The following PI4KA variants were observed in gnomAD, a reference collection of about 807,000 sequenced individuals.
PI4KA encodes PI4-kinase alpha.
PI4KA carries 122 observed loss-of-function variants against 271.4 expected under a neutral mutation model. The ratio of observed to expected loss-of-function variants is 0.45; its 90% CI spans 0.39 to 0.52. The LOEUF (loss-of-function observed/expected upper bound fraction) is 0.52, where lower values mean the gene tolerates loss of function less well. Ranked by LOEUF, PI4KA falls within the 20% of genes least tolerant of loss-of-function variation. The pLI is 0.00. For synonymous variants in PI4KA, 1,041 were observed against 1,078.8 expected (o/e 0.96, Z 0.69); for missense variants, 1,969 against 2,769.1 (o/e 0.71, Z 6.48).
chr22:20,750,125 A>C, intron 27 of PI4KA, 131 bp from the exon 28 acceptor site: 1 of 647,402 alleles, frequency 1.5e-6, no homozygotes, highest in South Asian at 1.7e-5. Flanking sequence ...AGTACCTCAG[A>C]GTGGAACTCA....
chr22:20,780,731 G>A (rs1253072016), intron 19 of PI4KA, among the ~76,000 whole-genome samples: 1 of 137,102 alleles, frequency 7.3e-6, no homozygotes, highest in African/African-American at 2.8e-5. Flanking sequence ...AGCCGAGACT[G>A]TGCCACTGCA....
chr22:20,754,103 T>C (rs1419145030), intron 23 of PI4KA, among the ~76,000 whole-genome samples: 1 of 152,172 alleles, frequency 6.6e-6, no homozygotes, highest in Non-Finnish European at 1.5e-5. Context: ...TCTATTTTTT[T>C]TGAGACAGGG....
intron 41 of PI4KA, 144 bp downstream of exon 41, chr22:20,727,086 A>T: frequency 1.6e-6 from 1 of 643,214 alleles, no homozygotes; most frequent in Non-Finnish European, 2.6e-6. Context: ...TCCATCTTCT[A>T]CAACTACTTG....
chr22:20,774,622 G>A (rs149960029), intron 19 of PI4KA, among the ~76,000 whole-genome samples: 4,497 of 152,158 alleles, frequency 0.03, 88 homozygotes, highest in Middle Eastern at 0.061. Flanking sequence ...TTAGCTGGGC[G>A]TGGTGGCACG....
At chr22:20,769,699 A>C (rs963892958) in intron 19 of PI4KA, among the ~76,000 whole-genome samples, 13 of 151,312 alleles carry the variant, frequency 8.6e-5, no homozygotes, top group Admixed American at 8.6e-4. Flanking sequence ...GTCAGGGGGG[A>C]AGTGGGAAGA....
In PI4KA at chr22:20,858,760, C is replaced by A; in HGVS notation, c.-35G>T. On this transcript the variant is annotated 5_prime_UTR_variant, in exon 1 of 55. Coordinates refer to ENST00000255882, the MANE Select transcript of PI4KA (RefSeq NM_058004.4). ...AGCCGCGGCGCTGCCCGCCGGCTCC[C>A]CGCTCCTGGCCCGCGAGCGCCCGAC... 7.3e-7 allele frequency: 1 copy of A among 1,363,632 alleles called. No individual in the cohort carries two copies. 84.5% of individuals were successfully genotyped at this position (1,363,632 alleles called of 1,614,324 possible).
intron 3 of PI4KA, among the ~76,000 whole-genome samples, chr22:20,826,120 A>G (rs1475447777): frequency 6.6e-6 from 1 of 152,188 alleles, no homozygotes; most frequent in Admixed American, 6.6e-5. Flanking sequence ...AGGCAGGCAA[A>G]TAACTTGAGG....
At chr22:20,725,272 G>T (rs578071696) in intron 42 of PI4KA, 6 of 196,882 alleles carry the variant, frequency 3.0e-5, no homozygotes, top group Non-Finnish European at 5.5e-5. Flanking sequence ...ACAGGGTGCA[G>T]TGGGCAGGCT....
chr22:20,720,695 G>T (rs1234109394), intron 43 of PI4KA, among the ~76,000 whole-genome samples: 1 of 152,188 alleles, frequency 6.6e-6, no homozygotes, highest in Non-Finnish European at 1.5e-5. Flanking sequence ...ATCAACTGCA[G>T]AAGTGGAACG....
rs528475283 is a variant in PI4KA at position 20,789,393 on chromosome 22, A to C, written c.2328+3800T>G. ...TGCCCAGGCTGGAGTGCAATGGCAC[A>C]ATCCTGGCTCACTGCAACCTCCGCC... On this transcript the variant is annotated intron_variant, in intron 19 of 54. Transcript: ENST00000255882. 4.6e-5 allele frequency among the ~76,000 whole-genome samples: 7 copies of C among 152,292 alleles called. No individual in the cohort carries two copies. In the East Asian group the frequency reaches 1.3e-3, roughly 29 times the overall value.
At chr22:20,751,857 G>GGCCA in intron 25 of PI4KA, 102 bp from the exon 26 acceptor site, 1 of 981,154 alleles carries the variant, frequency 1.0e-6, no homozygotes, top group Non-Finnish European at 1.6e-6. Flanking sequence ...ATCTGCTTCA[G>GGCCA]GCCAGCTGAA....
chr22:20,846,835 C>CAAAAAAAAA (rs361933), intron 1 of PI4KA, among the ~76,000 whole-genome samples: 1 of 61,750 alleles, frequency 1.6e-5, no homozygotes, highest in African/African-American at 7.3e-5. Context: ...AGTGCAGGCT[C>CAAAAAAAAA]AAAAAAAAAA....
intron 17 of PI4KA, chr22:20,798,337 C>T: frequency 2.1e-6 from 1 of 478,516 alleles, no homozygotes; most frequent in Non-Finnish European, 3.8e-6. Flanking sequence ...AGGTCAGCTG[C>T]ATGTGCAGCA....
rs1246415828 is a variant in PI4KA, at chr22:20,833,651, GTTTTTGTTTTTT to G, written c.367+899_367+910del. Among the ~76,000 whole-genome samples, 15 of 95,598 alleles carry G rather than the reference GTTTTTGTTTTTT, an allele frequency of 1.6e-4. No homozygotes were observed. The Admixed American group carries it at 1.8e-3, about 11-fold the overall frequency. The allele number at this position is 95,598 out of a possible 152,430, so 62.7% of individuals were successfully genotyped here. On this transcript the variant is annotated intron_variant, in intron 3 of 54. Transcript: ENST00000255882. ...ATGTTGCCCAGACTAGTTTTGGTTT[GTTTTTGTTTTTT>G]TTTTTTTTTTTTTTTGAGACGGAGT...
intron 1 of PI4KA, among the ~76,000 whole-genome samples, chr22:20,845,624 G>A (rs1303591117): frequency 6.6e-6 from 1 of 152,202 alleles, no homozygotes; most frequent in Non-Finnish European, 1.5e-5. Flanking sequence ...AAAGGTGACT[G>A]TGACATGATA....
At chr22:20,710,208 T>G in intron 52 of PI4KA, 2 of 622,802 alleles carry the variant, frequency 3.2e-6, no homozygotes, top group Non-Finnish European at 5.9e-6. Flanking sequence ...ACACGCACTC[T>G]GGACAGGCTG....
At chr22:20,822,137 T>C (rs908571385) in intron 4 of PI4KA, among the ~76,000 whole-genome samples, 7 of 152,138 alleles carry the variant, frequency 4.6e-5, no homozygotes, top group Non-Finnish European at 1.0e-4. Flanking sequence ...CTCAAACTCC[T>C]GGACTCAAGC....
At position 20,707,785 on chromosome 22, in the gene PI4KA, A is replaced by C; in HGVS notation, c.*262T>G. The C allele has an allele frequency of 1.8e-6, 1 of 566,308 alleles. No homozygotes were observed. The highest frequency in any genetic ancestry group is 3.2e-6 in the Non-Finnish European group (1 of 310,944). The allele number at this position is 566,308 out of a possible 1,614,324, so 35.1% of individuals were successfully genotyped here. A position where few individuals can be genotyped will look rare whatever the true frequency, so the allele number is the denominator to read the frequency against. On this transcript the variant is annotated 3_prime_UTR_variant, in exon 55 of 55. Transcript: ENST00000255882. ...ACAATACTTCATGTACCTATGAAAT[A>C]AGACAGGTAGGGAATATGTCCAGTG... is the stretch of plus-strand genomic sequence containing the variant.
chr22:20,780,349 G>A, intron 19 of PI4KA: 1 of 1,253,208 alleles, frequency 8.0e-7, no homozygotes, highest in Non-Finnish European at 1.1e-6. Context: ...GACAGGGAAG[G>A]CCAAGCTGAA....
Sources: allele counts gnomAD v4.1 joint callset (sites outside exome capture counted in the v4.1 genomes callset), GRCh38; gene constraint gnomAD v4.1.1; transcripts MANE v1.5; gene names NCBI Gene and HGNC (gene_info 2026-07-23, HGNC 2026-07-21).